Variants in ELMO1 observed in about 807,000 individuals in gnomAD.
ELMO1 encodes engulfment and cell motility 1.
ELMO1 carries 26 observed loss-of-function variants against 98.9 expected under a neutral mutation model. The observed-to-expected ratio is 0.26, with a 90% confidence interval of 0.19 to 0.36. The LOEUF is 0.36. ELMO1 is among the 10% of genes least tolerant of loss of function. ELMO1 has a pLI of 1.00. For synonymous variants in ELMO1, 346 were observed against 346.0 expected (o/e 1.00, Z 0.00); for missense variants, 627 against 935.2 (o/e 0.67, Z 4.30).
chr7:36,873,890 A>G (rs1235005670), intron 19 of ELMO1, among the ~76,000 whole-genome samples: 1 of 152,248 alleles, frequency 6.6e-6, no homozygotes, highest in Non-Finnish European at 1.5e-5. Flanking sequence ...TCAGGCAGAA[A>G]CCATTCAAAG....
intron 15 of ELMO1, among the ~76,000 whole-genome samples, chr7:37,065,463 G>A (rs2129218760): frequency 6.6e-6 from 1 of 152,186 alleles, no homozygotes; most frequent in South Asian, 2.1e-4. Context: ...ACTCTTAGCA[G>A]CATTCACTGG....
At chr7:37,046,067 A>G (rs1443795839) in intron 15 of ELMO1, among the ~76,000 whole-genome samples, 1 of 152,018 alleles carries the variant, frequency 6.6e-6, no homozygotes, top group African/African-American at 2.4e-5. Context: ...AATCAATCCT[A>G]AGTTTATAAT....
intron 1 of ELMO1, among the ~76,000 whole-genome samples, chr7:37,397,416 G>A (rs1271375183): frequency 6.6e-6 from 1 of 152,200 alleles, no homozygotes; most frequent in African/African-American, 2.4e-5. Flanking sequence ...GTAAAGGTAT[G>A]GGTCATAAAA....
chr7:37,248,798 C>T (rs938246586), intron 6 of ELMO1, among the ~76,000 whole-genome samples: 1 of 152,196 alleles, frequency 6.6e-6, no homozygotes, highest in Non-Finnish European at 1.5e-5. Flanking sequence ...ACTGGACCTC[C>T]CAGAACAGCC....
intron 19 of ELMO1, among the ~76,000 whole-genome samples, chr7:36,872,944 C>G (rs1584283394): frequency 6.6e-6 from 1 of 152,140 alleles, no homozygotes; most frequent in Admixed American, 6.6e-5. Flanking sequence ...TTTGAAAACC[C>G]ATTGTATGGA....
chr7:36,939,623 T>C (rs1463556942), intron 16 of ELMO1, among the ~76,000 whole-genome samples: 2 of 152,246 alleles, frequency 1.3e-5, no homozygotes, highest in African/African-American at 4.8e-5. Context: ...TGGGAAGCAT[T>C]GCTGTGGCTC....
chr7:37,113,298 C>T (rs1450282442), intron 14 of ELMO1, among the ~76,000 whole-genome samples: 7 of 152,182 alleles, frequency 4.6e-5, no homozygotes, highest in Non-Finnish European at 1.0e-4. Flanking sequence ...GGCACTGCCC[C>T]GGGCACTGGG....
At chr7:37,100,291 A>G (rs966688950) in intron 14 of ELMO1, among the ~76,000 whole-genome samples, 4 of 152,234 alleles carry the variant, frequency 2.6e-5, no homozygotes, top group Admixed American at 1.3e-4. Flanking sequence ...GAAGATGACA[A>G]TTCCTCATGG....
chr7:37,279,761 G>A (rs900738604), intron 4 of ELMO1, among the ~76,000 whole-genome samples: 1 of 152,202 alleles, frequency 6.6e-6, no homozygotes, highest in Non-Finnish European at 1.5e-5. Flanking sequence ...GGAGCAGGGG[G>A]TATAACTCCA....
At chr7:37,053,893 A>G (rs1482804101) in intron 15 of ELMO1, among the ~76,000 whole-genome samples, 2 of 152,180 alleles carry the variant, frequency 1.3e-5, no homozygotes, top group East Asian at 3.8e-4. Flanking sequence ...ACAAATCTTG[A>G]TATTTGTCCC....
chr7:37,100,031 A>T (rs1784560920), intron 14 of ELMO1, among the ~76,000 whole-genome samples: 1 of 151,992 alleles, frequency 6.6e-6, no homozygotes, highest in African/African-American at 2.4e-5. Flanking sequence ...ACGGGGTTTC[A>T]CCATGTTGGC....
Position 37,009,157 on chromosome 7 carries a change from G to A in ELMO1, c.1437+4142C>T, listed in dbSNP as rs541984341. Among the ~76,000 whole-genome samples, 175 of 151,982 alleles carry A rather than the reference G, an allele frequency of 1.2e-3. 1 individual carries two copies. Among genetic ancestry groups the A allele is most frequent in the African/African-American group, 3.8e-3 (159 of 41,418 alleles). On this transcript the variant is annotated intron_variant, in intron 16 of 21. Coordinates refer to ENST00000310758, the MANE Select transcript of ELMO1 (RefSeq NM_014800.11). ...TTACTTGTGTCCCCTTTCTTATCCC[G>A]CTCAAAAATGAGGATTTCAATGAAA...
At chr7:37,157,998 C>T (rs914319337) in intron 13 of ELMO1, among the ~76,000 whole-genome samples, 5 of 152,090 alleles carry the variant, frequency 3.3e-5, no homozygotes, top group African/African-American at 1.2e-4. Flanking sequence ...AGAAATAACA[C>T]CACACATCTA....
chr7:37,436,829 A>C (rs1805170692), intron 1 of ELMO1, among the ~76,000 whole-genome samples: 1 of 152,212 alleles, frequency 6.6e-6, no homozygotes, highest in South Asian at 2.1e-4. Flanking sequence ...AGCTGGTGTA[A>C]TTGAACGTGC....
intron 10 of ELMO1, among the ~76,000 whole-genome samples, chr7:37,221,474 A>G (rs1793592067): frequency 6.6e-6 from 1 of 152,184 alleles, no homozygotes; most frequent in Admixed American, 6.5e-5. Context: ...TTTTTAAGGA[A>G]GGAAATTGTG....
intron 18 of ELMO1, among the ~76,000 whole-genome samples, chr7:36,883,802 T>A (rs1012573770): frequency 3.3e-5 from 5 of 152,300 alleles, no homozygotes; most frequent in Middle Eastern, 3.4e-3. Context: ...TTCTTTATAG[T>A]AATGCGAGAA....
intron 19 of ELMO1, among the ~76,000 whole-genome samples, chr7:36,873,345 A>C (rs531336354): frequency 3.3e-5 from 5 of 152,162 alleles, no homozygotes; most frequent in Non-Finnish European, 7.4e-5. Context: ...GATGACTTCA[A>C]AGCCAGGCTA....
At chr7:37,392,603 G>T (rs1279504180) in intron 1 of ELMO1, among the ~76,000 whole-genome samples, 3 of 152,218 alleles carry the variant, frequency 2.0e-5, no homozygotes, top group African/African-American at 4.8e-5. Context: ...CACATCTGCT[G>T]CCAGGTGTGA....
intron 1 of ELMO1, among the ~76,000 whole-genome samples, chr7:37,372,311 C>G (rs987668102): frequency 4.6e-5 from 7 of 152,124 alleles, no homozygotes; most frequent in Non-Finnish European, 1.0e-4. Context: ...AACCCTGGAT[C>G]TAGCACTAAC....
Sources: gnomAD v4.1 joint callset for allele counts (sites outside exome capture counted in the v4.1 genomes callset) on GRCh38, gnomAD v4.1.1 for gene constraint, MANE v1.5 for transcripts, NCBI Gene and HGNC (gene_info 2026-07-23, HGNC 2026-07-21) for gene names.